Variants in LRRIQ1 observed in about 807,000 individuals in gnomAD.
LRRIQ1 encodes the protein leucine-rich repeat- and IQ domain-containing protein 1.
LRRIQ1 carries 210 observed loss-of-function variants against 211.9 expected under a neutral mutation model. The ratio of observed to expected loss-of-function variants is 0.99; its 90% CI spans 0.89 to 1.11. LRRIQ1 has a LOEUF of 1.11. Ranked by LOEUF, LRRIQ1 falls within the 50% of genes most tolerant of loss-of-function variation. The pLI is 0.00. For synonymous variants in LRRIQ1, 699 were observed against 650.1 expected, an observed-to-expected ratio of 1.08 and a Z score of -1.14; for missense variants, 2,136 against 1,939.5, an observed-to-expected ratio of 1.10 and a Z score of -1.90.
rs1291433358 is a variant in LRRIQ1 at position 85,137,909 on chromosome 12, G to A, written c.4269G>A (p.Lys1423=). 1.3e-6 allele frequency: 2 copies of A among 1,570,118 alleles called. No homozygotes were observed. Among genetic ancestry groups the A allele is most frequent in the Admixed American group, 1.7e-5 (1 of 57,600 alleles). Reference sequence around the variant, plus strand: ...TGACAACAGCTCTAGAGGCTATTAAGAATGAAGAATCCGATGAAGAATACA... The same window carrying A: ...TGACAACAGCTCTAGAGGCTATTAAAAATGAAGAATCCGATGAAGAATACA... ...KKLTTALEAI[K]NEESDEEYRE... is the part of the protein sequence containing the mutation. The change falls in exon 19 of 27, where the codon AAG becomes AAA. Residue 1423 remains lysine (K), a synonymous_variant. Coordinates refer to ENST00000393217, the MANE Select transcript of LRRIQ1 (RefSeq NM_001079910.2).
At chr12:85,133,512 G>T (rs2136514874) in intron 18 of LRRIQ1, among the ~76,000 whole-genome samples, 1 of 152,248 alleles carries the variant, frequency 6.6e-6, no homozygotes, top group South Asian at 2.1e-4. Context: ...TTCTCCTGTG[G>T]TGAGGTTGCC....
At position 85,100,284 on chromosome 12, in the gene LRRIQ1, A is replaced by T. The variant is rs562598179; in HGVS notation, c.3209+1290A>T. On this transcript the variant is annotated intron_variant, in intron 13 of 26. Transcript: ENST00000393217. Reference sequence around the variant, plus strand: ...CAATTTAAGTTATCAAAGATAGTCTATTTCTAAAAATTAAATTTAATACTA... The same window carrying T: ...CAATTTAAGTTATCAAAGATAGTCTTTTTCTAAAAATTAAATTTAATACTA... Among the ~76,000 whole-genome samples, 3 of 151,860 alleles carry T rather than the reference A, an allele frequency of 2.0e-5. No individual in the cohort carries two copies. The South Asian group carries it at 6.2e-4, about 31-fold the overall frequency.
At chr12:85,107,499 C>T (rs1886865933) in intron 15 of LRRIQ1, among the ~76,000 whole-genome samples, 2 of 152,012 alleles carry the variant, frequency 1.3e-5, no homozygotes, top group South Asian at 4.1e-4. Context: ...AATTTGATTA[C>T]AGTATGTTTT....
At chr12:85,257,086 A>G (rs1012311896) in intron 1 of LRRIQ1, among the ~76,000 whole-genome samples, 1 of 95,368 alleles carries the variant, frequency 1.0e-5, no homozygotes, top group Non-Finnish European at 2.1e-5. Flanking sequence ...ATATATAATT[A>G]TATTATATAA....
intron 15 of LRRIQ1, among the ~76,000 whole-genome samples, chr12:85,121,264 C>T (rs1887961327): frequency 1.3e-5 from 2 of 152,192 alleles, no homozygotes; most frequent in Non-Finnish European, 1.5e-5. Context: ...TTTAGTCCTA[C>T]TCTCAGTATA....
At chr12:85,076,981 C>G (rs970033619) in intron 11 of LRRIQ1, among the ~76,000 whole-genome samples, 7 of 152,120 alleles carry the variant, frequency 4.6e-5, no homozygotes, top group Non-Finnish European at 7.4e-5. Context: ...TTTCCTGATT[C>G]CTGTTTCAGT....
intron 19 of LRRIQ1, among the ~76,000 whole-genome samples, chr12:85,150,676 T>A (rs1055656947): frequency 2.0e-5 from 3 of 151,730 alleles, no homozygotes; most frequent in African/African-American, 7.2e-5. Flanking sequence ...TGTTTCTAGA[T>A]TGCCATTTTC....
At chr12:85,047,202 T>G in intron 5 of LRRIQ1, 45 bp from the exon 6 acceptor site, 1 of 1,407,250 alleles carries the variant, frequency 7.1e-7, no homozygotes, top group Non-Finnish European at 9.7e-7. Context: ...GTTTTGACAG[T>G]TTTGATCTTA....
chr12:85,137,710 C>A (rs1889231808), intron 18 of LRRIQ1, 140 bp from the exon 19 acceptor site: 1 of 615,714 alleles, frequency 1.6e-6, no homozygotes, highest in Non-Finnish European at 2.6e-6. Flanking sequence ...TTTTAAGTGT[C>A]ACATAAAGTT....
intron 13 of LRRIQ1, among the ~76,000 whole-genome samples, chr12:85,102,091 A>G (rs747317993): frequency 1.3e-5 from 2 of 151,710 alleles, no homozygotes; most frequent in African/African-American, 2.4e-5. Context: ...TTTCTTTTTA[A>G]TAAGTACATT....
intron 11 of LRRIQ1, among the ~76,000 whole-genome samples, chr12:85,089,275 G>T: frequency 6.6e-6 from 1 of 152,186 alleles, no homozygotes; most frequent in East Asian, 1.9e-4. Flanking sequence ...GTGTAAGAAT[G>T]GTCTCATGCA....
chr12:85,229,780 C>G, intron 25 of LRRIQ1, 131 bp downstream of exon 25: 2 of 795,558 alleles, frequency 2.5e-6, no homozygotes, highest in Non-Finnish European at 4.0e-6. Flanking sequence ...CCGGGTAATA[C>G]AAAGGCCTTT....
At chr12:85,159,977 T>G (rs1890775675) in intron 23 of LRRIQ1, among the ~76,000 whole-genome samples, 1 of 152,116 alleles carries the variant, frequency 6.6e-6, no homozygotes, top group South Asian at 2.1e-4. Flanking sequence ...TAAATCATAC[T>G]TAGTAAAGAT....
At chr12:85,202,796 T>C (rs1183630335) in intron 24 of LRRIQ1, among the ~76,000 whole-genome samples, 1 of 152,216 alleles carries the variant, frequency 6.6e-6, no homozygotes, top group African/African-American at 2.4e-5. Context: ...TAGGTTACTA[T>C]TGATATGTGT....
rs775384555 is a variant in LRRIQ1, at chr12:85,123,219, A to G, written c.3558-851A>G. ...ACATAGGAGCTATCAAATTGTCTCT[A>G]CATTTTTGGAAATAATTGTAACTTT... On this transcript the variant is annotated intron_variant, in intron 16 of 26. Transcript: ENST00000393217. Among the ~76,000 whole-genome samples, 24 of 152,058 alleles carry G rather than the reference A, an allele frequency of 1.6e-4. 1 individual carries two copies. Among genetic ancestry groups the G allele is most frequent in the Non-Finnish European group, 1.5e-4 (10 of 67,924 alleles).
intron 13 of LRRIQ1, among the ~76,000 whole-genome samples, chr12:85,103,705 T>A (rs747138623): frequency 4.6e-5 from 7 of 151,708 alleles, no homozygotes; most frequent in African/African-American, 7.2e-5. Context: ...AAATAGCGAA[T>A]ACACATGAAA....
intron 3 of LRRIQ1, among the ~76,000 whole-genome samples, chr12:85,043,561 C>T (rs1379061633): frequency 6.6e-6 from 1 of 152,208 alleles, no homozygotes; most frequent in East Asian, 1.9e-4. Context: ...GATGGTCACG[C>T]AGGGTCAGCT....
At chr12:85,259,861 A>G (rs968209996) in intron 1 of LRRIQ1, among the ~76,000 whole-genome samples, 2 of 152,076 alleles carry the variant, frequency 1.3e-5, no homozygotes, top group Non-Finnish European at 2.9e-5. Context: ...GTACAAAAAG[A>G]TTTAAAGATT....
intron 24 of LRRIQ1, among the ~76,000 whole-genome samples, chr12:85,205,851 T>G (rs1319028500): frequency 6.6e-6 from 1 of 152,188 alleles, no homozygotes; most frequent in Non-Finnish European, 1.5e-5. Context: ...GAAAGGCAGT[T>G]TTCAAGCTCA....
Sources: gnomAD v4.1 joint callset for allele counts (sites outside exome capture counted in the v4.1 genomes callset) on GRCh38, gnomAD v4.1.1 for gene constraint, MANE v1.5 for transcripts, NCBI Gene and HGNC (gene_info 2026-07-23, HGNC 2026-07-21) for gene names.